Variants in RAB2A observed in about 807,000 individuals in gnomAD.
RAB2A encodes RAB2A, member RAS oncogene family.
Under a neutral mutation model 32.5 loss-of-function variants are expected in RAB2A, and 7 were observed. That is an observed-to-expected ratio of 0.22 (90% CI 0.12 to 0.40). RAB2A has a LOEUF of 0.40. Ranked by LOEUF, RAB2A falls within the 10% of genes least tolerant of loss-of-function variation. RAB2A has a pLI of 1.00. For synonymous variants in RAB2A, 79 were observed against 85.2 expected, an observed-to-expected ratio of 0.93 and a Z score of 0.40; for missense variants, 108 against 260.7, an observed-to-expected ratio of 0.41 and a Z score of 4.03.
intron 6 of RAB2A, among the ~76,000 whole-genome samples, chr8:60,601,637 A>G (rs902347281): frequency 3.3e-5 from 5 of 152,050 alleles, no homozygotes; most frequent in South Asian, 2.1e-4. Context: ...CATGCCCAGC[A>G]TATTATGCAT....
intron 1 of RAB2A, among the ~76,000 whole-genome samples, chr8:60,531,565 T>A (rs1297898072): frequency 6.6e-6 from 1 of 152,188 alleles, no homozygotes. Flanking sequence ...TCCTAAAATT[T>A]AGTGGGGTTG....
At chr8:60,537,255 C>T (rs1487922741) in intron 1 of RAB2A, among the ~76,000 whole-genome samples, 1 of 152,024 alleles carries the variant, frequency 6.6e-6, no homozygotes, top group African/African-American at 2.4e-5. Flanking sequence ...GAGTTTTGCT[C>T]TTGTTGCCTG....
intron 1 of RAB2A, among the ~76,000 whole-genome samples, chr8:60,524,765 T>G (rs1052686997): frequency 2.6e-5 from 4 of 152,250 alleles, no homozygotes; most frequent in Non-Finnish European, 4.4e-5. Context: ...TTTGTATTGA[T>G]GGTAGTACTG....
chr8:60,521,822 T>C (rs73257484), intron 1 of RAB2A, among the ~76,000 whole-genome samples: 12,460 of 152,166 alleles, frequency 0.082, 1,553 homozygotes, highest in African/African-American at 0.27. Flanking sequence ...AGTTTTGCCA[T>C]GTTGGTCTGA....
intron 1 of RAB2A, among the ~76,000 whole-genome samples, chr8:60,525,569 C>T (rs1807365625): frequency 6.6e-6 from 1 of 152,062 alleles, no homozygotes; most frequent in Non-Finnish European, 1.5e-5. Context: ...TCTTTCTTTC[C>T]CCATATCTTC....
In RAB2A at chr8:60,611,105, G is replaced by C. The variant is rs937588557; in HGVS notation, c.475-7475G>C. Among the ~76,000 whole-genome samples the C allele has an allele frequency of 1.6e-4, 24 of 152,242 alleles. 1 individual carries two copies. The East Asian group carries it at 1.9e-3, about 12-fold the overall frequency. ...TTTCTTCACAACAGATATTAGGTTT[G>C]AGCTTTGCCATTCATTCTCGTTGCC... On this transcript the variant is annotated intron_variant, in intron 6 of 7. Transcript: ENST00000262646.
At chr8:60,543,261 A>T in intron 1 of RAB2A, among the ~76,000 whole-genome samples, 1 of 152,220 alleles carries the variant, frequency 6.6e-6, no homozygotes, top group Non-Finnish European at 1.5e-5. Flanking sequence ...GCCTGATATT[A>T]GGTGTGTTCT....
chr8:60,584,686 C>A, intron 4 of RAB2A, 37 bp from the exon 5 acceptor site: 1 of 1,506,622 alleles, frequency 6.6e-7, no homozygotes, highest in Non-Finnish European at 9.2e-7. Flanking sequence ...GAGGGAAATG[C>A]TTTGAACATA....
At chr8:60,544,334 C>A (rs1430998871) in intron 1 of RAB2A, among the ~76,000 whole-genome samples, 5 of 110 alleles carry the variant, frequency 0.045, no homozygotes, top group African/African-American at 0.14. Context: ...GCCACCACGC[C>A]CCAGCCCAAT....
intron 5 of RAB2A, among the ~76,000 whole-genome samples, chr8:60,586,383 TAAAA>T: frequency 7.0e-6 from 1 of 143,298 alleles, no homozygotes; most frequent in South Asian, 2.2e-4. Flanking sequence ...TCCTGCCCGT[TAAAA>T]AAAAAAGAGA....
chr8:60,555,476 T>G (rs542130141), intron 1 of RAB2A, among the ~76,000 whole-genome samples: 6 of 152,126 alleles, frequency 3.9e-5, no homozygotes, highest in Non-Finnish European at 8.8e-5. Flanking sequence ...GCAAACTATT[T>G]ATCTTACAAG....
At chr8:60,529,246 C>G (rs1807439764) in intron 1 of RAB2A, among the ~76,000 whole-genome samples, 1 of 152,226 alleles carries the variant, frequency 6.6e-6, no homozygotes, top group South Asian at 2.1e-4. Context: ...TGTACATGTT[C>G]CATATGTGCT....
chr8:60,599,423 A>AT (rs1804092628), intron 6 of RAB2A, among the ~76,000 whole-genome samples: 1 of 152,184 alleles, frequency 6.6e-6, no homozygotes, highest in South Asian at 2.1e-4. Context: ...TTTTGTAGAT[A>AT]TAGACAATAT....
intron 3 of RAB2A, among the ~76,000 whole-genome samples, chr8:60,573,284 AATC>A (rs1272529878): frequency 6.6e-6 from 1 of 152,232 alleles, no homozygotes; most frequent in African/African-American, 2.4e-5. Flanking sequence ...GATGGGATTT[AATC>A]ATCATATACC....
chr8:60,576,130 T>C, intron 3 of RAB2A: 1 of 438,154 alleles, frequency 2.3e-6, no homozygotes. Context: ...GATAAGAGTC[T>C]ATCAGTGCCT....
At chr8:60,607,080 T>G (rs1804244609) in intron 6 of RAB2A, among the ~76,000 whole-genome samples, 1 of 152,002 alleles carries the variant, frequency 6.6e-6, no homozygotes, top group Admixed American at 6.6e-5. Context: ...AAACTAAGAA[T>G]GCCTCATAAG....
At position 60,620,848 on chromosome 8, in the gene RAB2A, C is replaced by A; in HGVS notation, c.*79C>A. ...CCCCTCTCCTCCTGCTCAGCTGAGA[C>A]ATGAAACTATTTGAAATGGCTTTAT... is the stretch of plus-strand genomic sequence containing the variant. On this transcript the variant is annotated 3_prime_UTR_variant, in exon 8 of 8. Transcript: ENST00000262646. The A allele has an allele frequency of 1.7e-6, 2 of 1,205,188 alleles. No homozygotes were observed. The highest frequency in any genetic ancestry group is 1.2e-6 in the Non-Finnish European group (1 of 865,418). The allele number at this position is 1,205,188 out of a possible 1,614,324, so 74.7% of individuals were successfully genotyped here.
chr8:60,584,011 A>C (rs1168721644), intron 3 of RAB2A, 197 bp from the exon 4 acceptor site: 1 of 489,402 alleles, frequency 2.0e-6, no homozygotes, highest in Non-Finnish European at 3.8e-6. Flanking sequence ...TGTGCACTAC[A>C]TGTGCGTCTC....
intron 1 of RAB2A, among the ~76,000 whole-genome samples, chr8:60,540,658 T>C (rs1487535644): frequency 1.3e-5 from 2 of 152,192 alleles, no homozygotes; most frequent in African/African-American, 4.8e-5. Flanking sequence ...TTTGTTACAT[T>C]TTTAGTAGAG....
Sources: allele counts gnomAD v4.1 joint callset (sites outside exome capture counted in the v4.1 genomes callset), GRCh38; gene constraint gnomAD v4.1.1; transcripts MANE v1.5; gene names NCBI Gene and HGNC (gene_info 2026-07-23, HGNC 2026-07-21).